CFAP61: variants seen among roughly 807,000 people sequenced by gnomAD.
CFAP61 encodes cilia and flagella associated protein 61.
Under a neutral mutation model 135.6 loss-of-function variants are expected in CFAP61, and 107 were observed. The observed-to-expected ratio is 0.79, with a 90% confidence interval of 0.67 to 0.93. The LOEUF (loss-of-function observed/expected upper bound fraction) is 0.93, where lower values mean the gene tolerates loss of function less well. Ranked by LOEUF, CFAP61 falls within the 40% of genes least tolerant of loss-of-function variation. The pLI is 0.00. For missense variants in CFAP61, 1,507 were observed against 1,556.2 expected (o/e 0.97, Z 0.53); for synonymous variants, 575 against 578.5 (o/e 0.99, Z 0.09).
intron 20 of CFAP61, among the ~76,000 whole-genome samples, chr20:20,256,945 G>A (rs1005020355): frequency 6.6e-6 from 1 of 152,062 alleles, no homozygotes; most frequent in African/African-American, 2.4e-5. Flanking sequence ...CTGCTCTTCC[G>A]ATGCTTCAGC....
intron 13 of CFAP61, among the ~76,000 whole-genome samples, chr20:20,171,394 A>G (rs957079433): frequency 2.6e-5 from 4 of 152,190 alleles, no homozygotes; most frequent in African/African-American, 7.2e-5. Context: ...GTTACCTAAC[A>G]TATCCAGAGA....
intron 25 of CFAP61, among the ~76,000 whole-genome samples, chr20:20,320,240 G>A (rs2057373070): frequency 6.9e-6 from 1 of 145,210 alleles, no homozygotes; most frequent in African/African-American, 2.6e-5. Context: ...GAGGTGATTG[G>A]AAATTTGAAA....
At position 20,277,169 on chromosome 20, in the gene CFAP61, A is replaced by G. The variant is rs974170763; in HGVS notation, c.2507A>G (p.Asn836Ser). The part of the protein sequence containing the change: ...IRNNSITTEG[N>S]IIVYGNTIDT... ...AGCGTTTTCCCTTCTTTCCTAGGGA[A>G]TATCATTGTCTATGGGAATACAATT... Residue 836 changes from asparagine (N) to serine (S), a missense_variant, in exon 22 of 27, where the codon AAT becomes AGT. Asn to Ser is a conservative substitution (Grantham distance 46, BLOSUM62 1). Coordinates refer to ENST00000245957, the MANE Select transcript of CFAP61 (RefSeq NM_015585.4). The G allele has an allele frequency of 9.4e-6, 15 of 1,600,800 alleles. No homozygotes were observed. Among genetic ancestry groups the G allele is most frequent in the Middle Eastern group, 1.7e-4 (1 of 6,046 alleles).
intron 21 of CFAP61, among the ~76,000 whole-genome samples, chr20:20,270,869 A>G (rs1336951915): frequency 6.6e-6 from 1 of 152,028 alleles, no homozygotes; most frequent in African/African-American, 2.4e-5. Context: ...ATGGGGTTTC[A>G]CCATTTTGGT....
intron 6 of CFAP61, 114 bp downstream of exon 6, chr20:20,075,729 A>G: frequency 9.1e-7 from 1 of 1,100,384 alleles, no homozygotes. Flanking sequence ...AATTTTTTAC[A>G]ATACTCATAA....
intron 25 of CFAP61, among the ~76,000 whole-genome samples, chr20:20,320,383 G>A (rs1442822029): frequency 1.2e-4 from 2 of 16,082 alleles, no homozygotes; most frequent in African/African-American, 3.2e-4. Flanking sequence ...TTATATATAT[G>A]TAATATATAT....
At chr20:20,341,446 C>T (rs1269153667) in intron 25 of CFAP61, among the ~76,000 whole-genome samples, 2 of 152,182 alleles carry the variant, frequency 1.3e-5, no homozygotes, top group Admixed American at 6.5e-5. Context: ...TGATGAACAA[C>T]ATTTGTGTTA....
chr20:20,191,460 T>A, intron 15 of CFAP61, 41 bp downstream of exon 15: 2 of 1,464,620 alleles, frequency 1.4e-6, no homozygotes, highest in Non-Finnish European at 1.9e-6. Flanking sequence ...GATTGTGCCT[T>A]GCTATATCAT....
At chr20:20,128,087 G>C (rs1342632976) in intron 8 of CFAP61, among the ~76,000 whole-genome samples, 2 of 151,724 alleles carry the variant, frequency 1.3e-5, no homozygotes, top group African/African-American at 4.9e-5. Flanking sequence ...CTAGGCTTGA[G>C]AACTTGCCCC....
chr20:20,179,651 C>T (rs1057192872), intron 13 of CFAP61, among the ~76,000 whole-genome samples: 1 of 152,066 alleles, frequency 6.6e-6, no homozygotes, highest in African/African-American at 2.4e-5. Context: ...GCTACAGTAA[C>T]CAAAACAGCA....
chr20:20,186,339 G>A (rs1224165249), intron 13 of CFAP61, among the ~76,000 whole-genome samples: 1 of 152,214 alleles, frequency 6.6e-6, no homozygotes, highest in Non-Finnish European at 1.5e-5. Context: ...GCATGTTGGA[G>A]TATGCATCAG....
intron 17 of CFAP61, among the ~76,000 whole-genome samples, chr20:20,216,122 T>C (rs1030852952): frequency 6.6e-6 from 1 of 152,218 alleles, no homozygotes; most frequent in African/African-American, 2.4e-5. Context: ...CGATGACTGA[T>C]AATAAATTTC....
chr20:20,304,154 G>T (rs1025056871), intron 25 of CFAP61, among the ~76,000 whole-genome samples: 1 of 152,132 alleles, frequency 6.6e-6, no homozygotes, highest in Non-Finnish European at 1.5e-5. Context: ...TAAGCGAAGT[G>T]TCTGCGGCCC....
chr20:20,190,929 G>T (rs2055877079), intron 14 of CFAP61, among the ~76,000 whole-genome samples: 1 of 151,934 alleles, frequency 6.6e-6, no homozygotes, highest in Non-Finnish European at 1.5e-5. Context: ...GACCATCCTG[G>T]GCAACATGGT....
chr20:20,220,431 C>T (rs1161234914), intron 17 of CFAP61, among the ~76,000 whole-genome samples: 2 of 152,152 alleles, frequency 1.3e-5, no homozygotes, highest in Non-Finnish European at 1.5e-5. Context: ...AGCAAATTAT[C>T]GAACCTAAGC....
intron 22 of CFAP61, among the ~76,000 whole-genome samples, chr20:20,281,750 G>A (rs1046831130): frequency 2.6e-5 from 4 of 152,052 alleles, no homozygotes; most frequent in Non-Finnish European, 4.4e-5. Flanking sequence ...TAAGGTTTTG[G>A]TGTTCGAGCT....
intron 18 of CFAP61, among the ~76,000 whole-genome samples, chr20:20,239,812 A>G (rs1468333603): frequency 6.6e-6 from 1 of 152,210 alleles, no homozygotes; most frequent in Non-Finnish European, 1.5e-5. Flanking sequence ...ATTTAATTTA[A>G]AAAGAGGTTT....
intron 20 of CFAP61, among the ~76,000 whole-genome samples, chr20:20,254,484 T>C (rs1601645988): frequency 6.6e-6 from 1 of 151,956 alleles, no homozygotes; most frequent in Non-Finnish European, 1.5e-5. Context: ...CCCCTGCAGC[T>C]TTACTCTGTG....
In CFAP61 at chr20:20,205,776, T is replaced by C. The variant is rs147774353; in HGVS notation, c.1932+5874T>C. Among the ~76,000 whole-genome samples, 282 of 152,360 alleles carry C rather than the reference T, an allele frequency of 1.9e-3. 1 individual carries two copies. Among genetic ancestry groups the C allele is most frequent in the African/African-American group, 6.3e-3 (261 of 41,584 alleles). On this transcript the variant is annotated intron_variant, in intron 17 of 26. Coordinates refer to ENST00000245957, the MANE Select transcript of CFAP61 (RefSeq NM_015585.4). ...AGGCTGTCTGCAGTTAGCTCTCTGC[T>C]GTATGGGTTTGTTGTTGCAAACCTT...
Sources: gnomAD v4.1 joint callset for allele counts (sites outside exome capture counted in the v4.1 genomes callset) on GRCh38, gnomAD v4.1.1 for gene constraint, MANE v1.5 for transcripts, NCBI Gene and HGNC (gene_info 2026-07-23, HGNC 2026-07-21) for gene names.